Variants in FGD6 observed in about 807,000 individuals in gnomAD.
FGD6 encodes FYVE, RhoGEF and PH domain containing 6.
Under a neutral mutation model 149.4 loss-of-function variants are expected in FGD6, and 90 were observed. The observed-to-expected ratio is 0.60, with a 90% CI of 0.51 to 0.72. FGD6 has a LOEUF of 0.72. Ranked by LOEUF, FGD6 falls within the 30% of genes least tolerant of loss-of-function variation. The pLI is 0.00. For synonymous variants in FGD6, 527 were observed against 584.0 expected (o/e 0.90, Z 1.41); for missense variants, 1,437 against 1,684.8 (o/e 0.85, Z 2.57).
At chr12:95,192,344 G>T (rs1284216239) in intron 2 of FGD6, among the ~76,000 whole-genome samples, 1 of 152,174 alleles carries the variant, frequency 6.6e-6, no homozygotes, top group African/African-American at 2.4e-5. Context: ...GAAGACCAAG[G>T]AAAGGGGTCC....
chr12:95,106,885 C>A (rs928678969), intron 13 of FGD6, 69 bp downstream of exon 13: 13 of 1,117,908 alleles, frequency 1.2e-5, no homozygotes, highest in African/African-American at 1.6e-5. Flanking sequence ...CAGAATGAGA[C>A]CCCGTCTCAA....
At chr12:95,136,952 G>A (rs1288663471) in intron 7 of FGD6, among the ~76,000 whole-genome samples, 1 of 152,172 alleles carries the variant, frequency 6.6e-6, no homozygotes, top group African/African-American at 2.4e-5. Flanking sequence ...TGTGTTGTAT[G>A]TATTTTACCA....
rs1879181472 is a variant in FGD6 at position 95,121,444 on chromosome 12, C to T, written c.3083-7743G>A. Among the ~76,000 whole-genome samples the T allele has an allele frequency of 2.0e-5, 2 of 97,582 alleles. 1 individual carries two copies. Among genetic ancestry groups the T allele is most frequent in the African/African-American group, 8.5e-5 (2 of 23,590 alleles). 64.0% of individuals were successfully genotyped at this position (97,582 alleles called of 152,430 possible). A position where few individuals can be genotyped will look rare whatever the true frequency, so the allele number is the denominator to read the frequency against. On this transcript the variant is annotated intron_variant, in intron 8 of 20. Transcript: ENST00000343958. The stretch of plus-strand genomic sequence containing the variant: ...CAGCCTGGGTAATAAGAGTAAAATT[C>T]CGTCTCAAAAAAAAAAAAAGATATA...
intron 2 of FGD6, among the ~76,000 whole-genome samples, chr12:95,205,193 AGGAGGTCAAG>A (rs2056687031): frequency 6.6e-6 from 1 of 151,916 alleles, no homozygotes; most frequent in Admixed American, 6.6e-5. Context: ...ACTTAACCCC[AGGAGGTCAAG>A]GCTACAGTGA....
intron 14 of FGD6, among the ~76,000 whole-genome samples, chr12:95,101,633 C>CA (rs1442633863): frequency 2.0e-5 from 3 of 151,408 alleles, no homozygotes; most frequent in Non-Finnish European, 2.9e-5. Flanking sequence ...CAAGCTCAAG[C>CA]ACTCACTGGG....
intron 3 of FGD6, among the ~76,000 whole-genome samples, chr12:95,164,124 G>C (rs1275697590): frequency 6.6e-6 from 1 of 152,058 alleles, no homozygotes; most frequent in East Asian, 1.9e-4. Flanking sequence ...AAATAACTTT[G>C]TCAAGGTCAT....
At position 95,089,581 on chromosome 12, in the gene FGD6, A is replaced by C. The variant is rs1257094497; in HGVS notation, c.3966T>G (p.Ala1322=). 1.2e-6 allele frequency: 2 copies of C among 1,613,542 alleles called. No homozygotes were observed. The highest frequency in any genetic ancestry group is 1.3e-5 in the African/African-American group (1 of 74,932). ...PSGRKQKKIP[A]ALKEVSANTE... is the part of the protein sequence containing the mutation. Reference sequence around the variant, plus strand: ...TGGAAACACTTACTTCTTTGAGAGCAGCTGGGATTTTTTTCTGTTTCCTCC... The same window carrying C: ...TGGAAACACTTACTTCTTTGAGAGCCGCTGGGATTTTTTTCTGTTTCCTCC... The change falls in exon 18 of 21, where the codon GCT becomes GCG. Residue 1322 remains alanine (A), a synonymous_variant. Coordinates refer to ENST00000343958, the MANE Select transcript of FGD6 (RefSeq NM_018351.4).
At chr12:95,187,294 G>T (rs1386423329) in intron 2 of FGD6, among the ~76,000 whole-genome samples, 1 of 145,886 alleles carries the variant, frequency 6.9e-6, no homozygotes, top group African/African-American at 2.6e-5. Context: ...TCGTGCCACT[G>T]CACTCCAGCC....
At position 95,217,203 on chromosome 12, in the gene FGD6, C is replaced by CA. The variant is rs1322989947; in HGVS notation, c.16+21dup. 4 of 1,612,374 alleles carry CA rather than the reference C, an allele frequency of 2.5e-6. No homozygotes were observed. The Admixed American group carries it at 6.7e-5, about 27-fold the overall frequency. On this transcript the variant is annotated intron_variant, in intron 1 of 20. Transcript: ENST00000343958. ...GCGCTCGCCACAAACTTTCCCGCGG[C>CA]AGCGCGAGCGCCGTCACTTACCGGC...
intron 2 of FGD6, among the ~76,000 whole-genome samples, chr12:95,194,437 G>A (rs1235948467): frequency 6.6e-6 from 1 of 151,332 alleles, no homozygotes; most frequent in Non-Finnish European, 1.5e-5. Flanking sequence ...GTTTCTACAT[G>A]TTGGTCAGGC....
At chr12:95,144,831 G>A (rs61937896) in intron 5 of FGD6, among the ~76,000 whole-genome samples, 13,933 of 151,516 alleles carry the variant, frequency 0.092, 841 homozygotes, top group African/African-American at 0.17. Flanking sequence ...TGGGATTACA[G>A]GCGCTTGCCA....
At chr12:95,101,681 CTTTT>C (rs757955014) in intron 14 of FGD6, among the ~76,000 whole-genome samples, 4 of 107,808 alleles carry the variant, frequency 3.7e-5, no homozygotes, top group Non-Finnish European at 7.1e-5. Context: ...TTTGAACTTT[CTTTT>C]TTTTTTTTTT....
chr12:95,211,115 T>C lies in FGD6; in HGVS notation c.169A>G (p.Lys57Glu), dbSNP rs2056724388. ...KMKPAIAPKP[K>E]VLKTSPVREI... ...CGAACAGGTGAGGTCTTCAGGACTT[T>C]TGGTTTTGGGGCTATTGCTGGTTTC... The change falls in exon 2 of 21, where the codon AAA (lysine) becomes GAA (glutamate). Residue 57 changes from lysine to glutamate, a missense_variant. This residue lies in a region of FGD6 where 1,055 missense variants were observed against 1,146.0 expected (regional missense o/e 0.92). Coordinates refer to ENST00000343958, the MANE Select transcript of FGD6 (RefSeq NM_018351.4). 6.2e-7 allele frequency: 1 copy of C among 1,614,064 alleles called. No individual in the cohort carries two copies. Among genetic ancestry groups the C allele is most frequent in the South Asian group, 1.1e-5 (1 of 91,090 alleles).
At chr12:95,094,799 T>A in intron 14 of FGD6, 105 bp from the exon 15 acceptor site, 2 of 778,468 alleles carry the variant, frequency 2.6e-6, no homozygotes, top group Non-Finnish European at 2.2e-6. Flanking sequence ...CCTCCAACAA[T>A]ACCAGTCAAA....
At chr12:95,094,764 C>T in intron 14 of FGD6, 70 bp from the exon 15 acceptor site, 1 of 1,176,860 alleles carries the variant, frequency 8.5e-7, no homozygotes, top group Non-Finnish European at 1.3e-6. Context: ...TCTTTTCTTT[C>T]TCCCATGGCA....
Position 95,172,761 on chromosome 12 carries a change from GC to G in FGD6, c.2442-18del, listed in dbSNP as rs1283333477. ...GCTCCTGAACTGCATTCAACAGAAA[GC>G]AGGTATTAGTCACCTTCAATAATAA... On this transcript the variant is annotated intron_variant, in intron 2 of 20. Transcript: ENST00000343958. 6.4e-7 allele frequency: 1 copy of G among 1,561,676 alleles called. No individual in the cohort carries two copies. Among genetic ancestry groups the G allele is most frequent in the Non-Finnish European group, 8.7e-7 (1 of 1,149,224 alleles).
chr12:95,088,937 A>T (rs1304104706), intron 18 of FGD6, among the ~76,000 whole-genome samples: 4 of 152,160 alleles, frequency 2.6e-5, no homozygotes, highest in Non-Finnish European at 5.9e-5. Flanking sequence ...ATTAAAAACT[A>T]CTCTGCTGGC....
intron 2 of FGD6, among the ~76,000 whole-genome samples, chr12:95,201,807 A>G (rs2056663795): frequency 6.6e-6 from 1 of 152,176 alleles, no homozygotes; most frequent in Non-Finnish European, 1.5e-5. Context: ...TAAATTTAAG[A>G]TTTTTAGATC....
At chr12:95,106,114 T>TC (rs1555217178) in intron 13 of FGD6, among the ~76,000 whole-genome samples, 1 of 151,240 alleles carries the variant, frequency 6.6e-6, no homozygotes, top group South Asian at 2.1e-4. Flanking sequence ...TTCTCTAAAA[T>TC]ATATATTTGT....
Sources: allele counts gnomAD v4.1 joint callset (sites outside exome capture counted in the v4.1 genomes callset), GRCh38; gene constraint gnomAD v4.1.1; regional missense constraint gnomAD v4.1.1; transcripts MANE v1.5; gene names NCBI Gene and HGNC (gene_info 2026-07-23, HGNC 2026-07-21).